The following YPEL5 variants were observed in gnomAD, a reference collection of about 807,000 sequenced individuals.
YPEL5 encodes protein yippee-like 5.
A neutral mutation model predicts 10.5 loss-of-function variants in YPEL5; 1 was observed. The observed-to-expected ratio is 0.10, with a 90% CI of 0.03 to 0.45. YPEL5 has a LOEUF of 0.45. YPEL5 is among the 20% of genes least tolerant of loss of function. The pLI, the probability that YPEL5 is intolerant of heterozygous loss-of-function variation, is 0.97. For missense variants in YPEL5, 68 were observed against 159.3 expected (o/e 0.43, Z 3.09); for synonymous variants, 61 against 56.6 (o/e 1.08, Z -0.35).
rs918326749 is a variant in YPEL5, at chr2:30,147,061, G to A, written c.-26G>A. ...CAGCCGCGGATCTCACCGCCGCTCA[G>A]GGTGAGTCCCGCGGGAGGGGCTGGA... is the stretch of plus-strand genomic sequence containing the variant. On this transcript the variant is annotated splice_region_variant and 5_prime_UTR_variant, in exon 1 of 3. Coordinates refer to ENST00000261353, the MANE Select transcript of YPEL5 (RefSeq NM_016061.3). 3 of 152,422 alleles carry A rather than the reference G, an allele frequency of 2.0e-5. No individual in the cohort carries two copies. Among genetic ancestry groups the A allele is most frequent in the African/African-American group, 7.2e-5 (3 of 41,460 alleles). The allele number at this position is 152,422 out of a possible 1,614,324, so 9.4% of individuals were successfully genotyped here.
intron 1 of YPEL5, among the ~76,000 whole-genome samples, chr2:30,156,194 A>G (rs887635820): frequency 6.6e-6 from 1 of 152,192 alleles, no homozygotes; most frequent in Non-Finnish European, 1.5e-5. Flanking sequence ...CCCTTTATCT[A>G]CTTGTATCCC....
At chr2:30,151,018 A>G (rs1472261748) in intron 1 of YPEL5, among the ~76,000 whole-genome samples, 1 of 152,218 alleles carries the variant, frequency 6.6e-6, no homozygotes, top group African/African-American at 2.4e-5. Flanking sequence ...ATTCATTCTC[A>G]GCTTGTGGGC....
intron 2 of YPEL5, among the ~76,000 whole-genome samples, chr2:30,157,583 G>T (rs1676098700): frequency 6.6e-6 from 1 of 152,214 alleles, no homozygotes; most frequent in Admixed American, 6.5e-5. Context: ...TGTGTGCCCA[G>T]TCTGCCTGTC....
At chr2:30,152,846 A>G (rs941003371) in intron 1 of YPEL5, among the ~76,000 whole-genome samples, 3 of 151,586 alleles carry the variant, frequency 2.0e-5, no homozygotes, top group Non-Finnish European at 4.4e-5. Flanking sequence ...AGCCTGATTC[A>G]AGTGTTATAT....
At chr2:30,155,119 T>A (rs1675984761) in intron 1 of YPEL5, among the ~76,000 whole-genome samples, 1 of 152,192 alleles carries the variant, frequency 6.6e-6, no homozygotes, top group Non-Finnish European at 1.5e-5. Context: ...TGTTTCCTTT[T>A]GTTGTTTTAT....
chr2:30,149,158 A>G (rs1017941502), intron 1 of YPEL5, among the ~76,000 whole-genome samples: 2 of 152,264 alleles, frequency 1.3e-5, no homozygotes, highest in Non-Finnish European at 2.9e-5. Flanking sequence ...GCACTAACAC[A>G]CAAGGTTTCC....
intron 1 of YPEL5, among the ~76,000 whole-genome samples, chr2:30,151,574 G>A (rs1019544969): frequency 6.6e-6 from 1 of 152,152 alleles, no homozygotes; most frequent in African/African-American, 2.4e-5. Flanking sequence ...AAACAGTCAA[G>A]CTTGGTACTT....
chr2:30,147,327 C>G (rs1462248630), intron 1 of YPEL5, among the ~76,000 whole-genome samples: 1 of 150,042 alleles, frequency 6.7e-6, no homozygotes, highest in Non-Finnish European at 1.5e-5. Flanking sequence ...CGGCCCGCCC[C>G]CGCCGCGCAG....
At chr2:30,147,861 G>C (rs1355043461) in intron 1 of YPEL5, 2 of 154,386 alleles carry the variant, frequency 1.3e-5, no homozygotes, top group Non-Finnish European at 2.9e-5. Flanking sequence ...CACCGCCGCC[G>C]CCGCGCTCTG....
intron 1 of YPEL5, among the ~76,000 whole-genome samples, chr2:30,149,358 A>G (rs1272755160): frequency 6.6e-6 from 1 of 152,188 alleles, no homozygotes; most frequent in Non-Finnish European, 1.5e-5. Context: ...TGACACAGCA[A>G]AGTAAACTGG....
At chr2:30,158,598 A>C in intron 2 of YPEL5, 21 bp from the exon 3 acceptor site, 1 of 1,609,426 alleles carries the variant, frequency 6.2e-7, no homozygotes, top group African/African-American at 1.3e-5. Flanking sequence ...TGCAATTTTG[A>C]TTTTCCTTGT....
chr2:30,153,836 A>G (rs1417203643), intron 1 of YPEL5, among the ~76,000 whole-genome samples: 3 of 152,268 alleles, frequency 2.0e-5, no homozygotes, highest in South Asian at 2.1e-4. Context: ...GTAATGAATC[A>G]TATAATTGAA....
At chr2:30,155,611 C>T (rs1212782739) in intron 1 of YPEL5, among the ~76,000 whole-genome samples, 2 of 152,188 alleles carry the variant, frequency 1.3e-5, no homozygotes, top group Admixed American at 1.3e-4. Flanking sequence ...ATATCTAGAT[C>T]TTTAAGAATA....
chr2:30,160,491 CTA>C lies in YPEL5; in HGVS notation c.*1650_*1651del, dbSNP rs1676230320. ...CTAGTAGCATGCCTTACCTACAGCA[CTA>C]TGTGCATTTGCTGTCACAATAAAGT... On this transcript the variant is annotated 3_prime_UTR_variant, in exon 3 of 3. Coordinates refer to ENST00000261353, the MANE Select transcript of YPEL5 (RefSeq NM_016061.3). The C allele has an allele frequency of 6.6e-6, 1 of 152,194 alleles. No homozygotes were observed. The highest frequency in any genetic ancestry group is 2.1e-4 in the South Asian group (1 of 4,838). 9.4% of individuals were successfully genotyped at this position (152,194 alleles called of 1,614,324 possible). A position where few individuals can be genotyped will look rare whatever the true frequency, so the allele number is the denominator to read the frequency against.
chr2:30,155,258 T>C (rs1675992966), intron 1 of YPEL5, among the ~76,000 whole-genome samples: 1 of 152,214 alleles, frequency 6.6e-6, no homozygotes, highest in South Asian at 2.1e-4. Context: ...TCACCATTTG[T>C]TTTTTATTCC....
At position 30,156,660 on chromosome 2, in the gene YPEL5, A is replaced by T; in HGVS notation, c.9A>T (p.Arg3Ser). MGRIFLDHIGGTR... is the reference protein window; with the variant it reads MGSIFLDHIGGTR... ...GAACTTCAGCCATAAAAATGGGCAG[A>T]ATTTTCCTTGATCATATCGGTGGTA... Residue 3 changes from arginine to serine, a missense_variant, in exon 2 of 3, where the codon AGA (arginine) becomes AGT (serine). Transcript: ENST00000261353. 1 of 1,613,976 alleles carries T rather than the reference A, an allele frequency of 6.2e-7. No homozygotes were observed. The highest frequency in any genetic ancestry group is 8.5e-7 in the Non-Finnish European group (1 of 1,179,956).
intron 1 of YPEL5, among the ~76,000 whole-genome samples, chr2:30,155,602 T>A (rs1252060009): frequency 6.6e-6 from 1 of 152,272 alleles, no homozygotes; most frequent in Admixed American, 6.5e-5. Flanking sequence ...TTCTTGACTA[T>A]ATCTAGATCT....
intron 1 of YPEL5, among the ~76,000 whole-genome samples, chr2:30,150,495 C>T (rs190354020): frequency 6.6e-6 from 1 of 152,246 alleles, no homozygotes; most frequent in Admixed American, 6.5e-5. Flanking sequence ...TATCTGAGCT[C>T]CACAGTTTAA....
chr2:30,156,332 C>A, intron 1 of YPEL5: 1 of 253,026 alleles, frequency 4.0e-6, no homozygotes, highest in Admixed American at 4.9e-5. Context: ...ATTCCACTTT[C>A]CATTTTCTTT....
Sources: allele counts gnomAD v4.1 joint callset (sites outside exome capture counted in the v4.1 genomes callset), GRCh38; gene constraint gnomAD v4.1.1; transcripts MANE v1.5; gene names NCBI Gene and HGNC (gene_info 2026-07-23, HGNC 2026-07-21).